MYRFL: variants seen among roughly 807,000 people sequenced by gnomAD.
The protein encoded by MYRFL is myelin regulatory factor like, also known as myelin regulatory factor-like protein.
In MYRFL, 88 loss-of-function variants were observed where a neutral mutation model predicts 109.4. The ratio of observed to expected loss-of-function variants is 0.80; its 90% CI spans 0.68 to 0.96. The LOEUF (loss-of-function observed/expected upper bound fraction) is 0.96. Among genes scored for constraint, MYRFL ranks in the 40% least tolerant of loss-of-function variants. The pLI is 0.00. For missense variants in MYRFL, 957 were observed against 954.9 expected (o/e 1.00, Z -0.03); for synonymous variants, 324 against 320.9 (o/e 1.01, Z -0.10).
At position 69,903,653 on chromosome 12, in the gene MYRFL, C is replaced by G; in HGVS notation, c.1192C>G (p.Pro398Ala). Reference protein sequence around the residue: ...SERIIVRASNPGQFENDSDAL... With the variant: ...SERIIVRASNAGQFENDSDAL... ...TTATGTATTTTTCCAGGCCTCTAAC[C>G]CTGGGCAGTTTGAAAATGACAGTGA... Residue 398 changes from proline to alanine, a missense_variant, in exon 11 of 25, where the codon CCT becomes GCT. Coordinates refer to ENST00000552032, the MANE Select transcript of MYRFL (RefSeq NM_182530.3). 6.5e-7 allele frequency: 1 copy of G among 1,535,756 alleles called. No homozygotes were observed.
In MYRFL at chr12:69,947,495, G is replaced by A. The variant is rs138387492; in HGVS notation, c.2225-4618G>A. On this transcript the variant is annotated intron_variant, in intron 19 of 24. Transcript: ENST00000552032. ...TCAGGAAGTGGAAAGTGAGTATTTT[G>A]GAATATTGAGCTTCTACTCTAAGGA... Among the ~76,000 whole-genome samples the A allele has an allele frequency of 1.1e-4, 16 of 152,162 alleles. No homozygotes were observed. The East Asian group carries it at 2.9e-3, about 28-fold the overall frequency.
intron 6 of MYRFL, 149 bp downstream of exon 6, chr12:69,887,119 T>A (rs1886504923): frequency 4.9e-6 from 4 of 811,102 alleles, no homozygotes; most frequent in Non-Finnish European, 7.3e-6. Flanking sequence ...ATTTTTTACA[T>A]CCTAACAAAT....
At chr12:69,886,732 T>C (rs763871683) in intron 5 of MYRFL, 88 bp from the exon 6 acceptor site, 44 of 1,449,552 alleles carry the variant, frequency 3.0e-5, no homozygotes, top group Non-Finnish European at 2.9e-5. Context: ...GCCTTACACA[T>C]GGCCCACTCA....
intron 20 of MYRFL, among the ~76,000 whole-genome samples, chr12:69,952,582 A>G (rs1431408311): frequency 6.6e-6 from 1 of 152,076 alleles, no homozygotes; most frequent in Non-Finnish European, 1.5e-5. Context: ...TTGGAGCCTG[A>G]GTTTTTATTA....
intron 1 of MYRFL, among the ~76,000 whole-genome samples, chr12:69,839,835 G>T (rs1217716174): frequency 1.3e-5 from 2 of 152,072 alleles, no homozygotes; most frequent in Non-Finnish European, 2.9e-5. Context: ...CTCCTTACTG[G>T]ATCTCCTGTG....
At chr12:69,891,830 G>C (rs1437401901) in intron 7 of MYRFL, among the ~76,000 whole-genome samples, 1 of 151,738 alleles carries the variant, frequency 6.6e-6, no homozygotes, top group Non-Finnish European at 1.5e-5. Context: ...TGGGACCACA[G>C]GTGTGTGCCA....
intron 5 of MYRFL, 117 bp from the exon 6 acceptor site, chr12:69,886,703 A>G: frequency 8.0e-7 from 1 of 1,248,700 alleles, no homozygotes; most frequent in South Asian, 1.5e-5. Flanking sequence ...CCAGCACATG[A>G]CACTTCCCTA....
At chr12:69,879,581 A>G in intron 4 of MYRFL, 128 bp downstream of exon 4, 1 of 588,818 alleles carries the variant, frequency 1.7e-6, no homozygotes, top group Admixed American at 3.0e-5. Flanking sequence ...TGAGACGCGT[A>G]TAGGACATCG....
chr12:69,871,152 C>T (rs1885325732), intron 2 of MYRFL, among the ~76,000 whole-genome samples: 1 of 151,790 alleles, frequency 6.6e-6, no homozygotes, highest in South Asian at 2.1e-4. Context: ...AGGAGATTAC[C>T]AGCAATCCCC....
chr12:69,919,867 T>A (rs1954852660), intron 13 of MYRFL, among the ~76,000 whole-genome samples: 1 of 152,154 alleles, frequency 6.6e-6, no homozygotes. Flanking sequence ...TCTGCAATGC[T>A]CTCTTATGAG....
At chr12:69,882,578 C>T (rs1886194225) in intron 5 of MYRFL, among the ~76,000 whole-genome samples, 1 of 152,094 alleles carries the variant, frequency 6.6e-6, no homozygotes, top group Non-Finnish European at 1.5e-5. Context: ...TGACCTCCTC[C>T]CAAGTAGTAC....
At chr12:69,918,148 G>A (rs889067483) in intron 13 of MYRFL, among the ~76,000 whole-genome samples, 7 of 152,192 alleles carry the variant, frequency 4.6e-5, no homozygotes, top group African/African-American at 1.7e-4. Flanking sequence ...AAAAGTATCA[G>A]ATTTATGGGT....
At chr12:69,868,816 A>G (rs992265308) in intron 2 of MYRFL, among the ~76,000 whole-genome samples, 1 of 152,246 alleles carries the variant, frequency 6.6e-6, no homozygotes, top group Non-Finnish European at 1.5e-5. Context: ...TTGGAGCACT[A>G]TGGAGTGCAC....
intron 13 of MYRFL, among the ~76,000 whole-genome samples, chr12:69,914,823 C>A (rs55843605): frequency 0.028 from 4,330 of 152,262 alleles, 185 homozygotes; most frequent in African/African-American, 0.095. Context: ...TGGTAAAACT[C>A]ACAGGAGTCC....
intron 3 of MYRFL, 44 bp downstream of exon 3, chr12:69,879,139 C>T: frequency 1.4e-6 from 1 of 702,884 alleles, no homozygotes; most frequent in Admixed American, 2.0e-5. Context: ...TGTTGCTCTT[C>T]CTCCTCGACT....
intron 11 of MYRFL, among the ~76,000 whole-genome samples, chr12:69,905,750 A>G (rs1242383642): frequency 1.3e-5 from 2 of 152,254 alleles, no homozygotes; most frequent in Non-Finnish European, 2.9e-5. Flanking sequence ...AAATGATTTC[A>G]TATTAATAGA....
At chr12:69,955,776 C>T (rs1239288665) in intron 22 of MYRFL, among the ~76,000 whole-genome samples, 2 of 151,830 alleles carry the variant, frequency 1.3e-5, no homozygotes, top group Non-Finnish European at 2.9e-5. Context: ...TAACATGCCC[C>T]CCGATGGGAA....
At chr12:69,834,263 G>A (rs1345147776) in intron 1 of MYRFL, among the ~76,000 whole-genome samples, 5 of 152,172 alleles carry the variant, frequency 3.3e-5, no homozygotes, top group Admixed American at 6.5e-5. Context: ...GTCATATATG[G>A]CAATAAGAAG....
intron 19 of MYRFL, among the ~76,000 whole-genome samples, chr12:69,945,566 A>C (rs1316128116): frequency 6.6e-6 from 1 of 152,224 alleles, no homozygotes; most frequent in Non-Finnish European, 1.5e-5. Context: ...TACAACAGTG[A>C]AATTGCCTAA....
Sources: allele counts gnomAD v4.1 joint callset (sites outside exome capture counted in the v4.1 genomes callset), GRCh38; gene constraint gnomAD v4.1.1; transcripts MANE v1.5; gene names NCBI Gene and HGNC (gene_info 2026-07-23, HGNC 2026-07-21).